KIAA1217: variants seen among roughly 807,000 people sequenced by gnomAD.
KIAA1217 encodes the protein KIAA1217.
A neutral mutation model predicts 163.9 loss-of-function variants in KIAA1217; 88 were observed. The observed-to-expected ratio is 0.54, with a 90% CI of 0.45 to 0.64. KIAA1217 has a LOEUF of 0.64. Ranked by LOEUF, KIAA1217 falls within the 30% of genes least tolerant of loss-of-function variation. The pLI is 0.00. For synonymous variants in KIAA1217, 903 were observed against 923.1 expected (o/e 0.98, Z 0.39); for missense variants, 2,372 against 2,475.0 (o/e 0.96, Z 0.88).
chr10:24,355,060 A>G (rs2048912626), intron 2 of KIAA1217, among the ~76,000 whole-genome samples: 1 of 152,182 alleles, frequency 6.6e-6, no homozygotes, highest in African/African-American at 2.4e-5. Context: ...CTGTCTCCAG[A>G]GGTTAGTAGG....
intron 2 of KIAA1217, among the ~76,000 whole-genome samples, chr10:24,085,135 C>G (rs1298894424): frequency 6.6e-6 from 1 of 152,002 alleles, no homozygotes; most frequent in Non-Finnish European, 1.5e-5. Context: ...AGGATGGTCT[C>G]GATCTCCTGA....
chr10:23,818,352 ATAT>A (rs1282830819), intron 1 of KIAA1217, among the ~76,000 whole-genome samples: 3 of 81,764 alleles, frequency 3.7e-5, no homozygotes, highest in East Asian at 2.6e-4. Flanking sequence ...ATATAAAAAA[ATAT>A]ATATATATAT....
intron 1 of KIAA1217, among the ~76,000 whole-genome samples, chr10:23,933,655 C>A (rs758513447): frequency 2.6e-5 from 4 of 151,868 alleles, no homozygotes; most frequent in Non-Finnish European, 5.9e-5. Context: ...TAACAAAGGT[C>A]TAATATCCAG....
At chr10:23,950,817 T>C (rs1460567310) in intron 1 of KIAA1217, among the ~76,000 whole-genome samples, 1 of 152,198 alleles carries the variant, frequency 6.6e-6, no homozygotes, top group African/African-American at 2.4e-5. Context: ...TAGAACATAA[T>C]CTCCATGAGG....
At chr10:24,020,100 A>G (rs1847669176) in intron 2 of KIAA1217, among the ~76,000 whole-genome samples, 1 of 152,110 alleles carries the variant, frequency 6.6e-6, no homozygotes, top group South Asian at 2.1e-4. Context: ...AAAAATAACC[A>G]CATATGGTTC....
At chr10:24,337,835 A>T (rs1284255045) in intron 2 of KIAA1217, among the ~76,000 whole-genome samples, 1 of 151,626 alleles carries the variant, frequency 6.6e-6, no homozygotes, top group Admixed American at 6.6e-5. Flanking sequence ...AGTAGAGACA[A>T]GGTTTCACTA....
chr10:23,946,012 A>G (rs540347487), intron 1 of KIAA1217, among the ~76,000 whole-genome samples: 34 of 152,306 alleles, frequency 2.2e-4, no homozygotes, highest in Admixed American at 4.6e-4. Flanking sequence ...TTCCATGTCA[A>G]TAGTATTAGG....
chr10:24,295,307 A>C (rs1279531559), intron 2 of KIAA1217, among the ~76,000 whole-genome samples: 1 of 152,330 alleles, frequency 6.6e-6, no homozygotes, highest in East Asian at 1.9e-4. Flanking sequence ...CCTTAAAGAA[A>C]TGCTGGTAAC....
intron 1 of KIAA1217, among the ~76,000 whole-genome samples, chr10:23,722,473 A>G (rs1010529690): frequency 4.6e-5 from 7 of 152,190 alleles, no homozygotes; most frequent in Non-Finnish European, 1.0e-4. Context: ...TTTAATTAGG[A>G]TAAACACTTA....
chr10:24,031,901 C>T (rs541027867), intron 2 of KIAA1217, among the ~76,000 whole-genome samples: 1 of 152,276 alleles, frequency 6.6e-6, no homozygotes, highest in East Asian at 1.9e-4. Context: ...AAGCTAAGCA[C>T]ATTCTTAGGT....
intron 1 of KIAA1217, among the ~76,000 whole-genome samples, chr10:23,950,240 A>C (rs1844266991): frequency 6.6e-6 from 1 of 152,210 alleles, no homozygotes; most frequent in Admixed American, 6.5e-5. Flanking sequence ...TAAGATTACT[A>C]GCATTTCTTT....
intron 1 of KIAA1217, among the ~76,000 whole-genome samples, chr10:24,006,525 G>A (rs1289695551): frequency 3.3e-5 from 5 of 152,144 alleles, no homozygotes; most frequent in Admixed American, 2.0e-4. Context: ...AAGTGCAGGG[G>A]GAGGTTGCAA....
chr10:24,044,986 T>G (rs1478815117), intron 2 of KIAA1217, among the ~76,000 whole-genome samples: 2 of 152,160 alleles, frequency 1.3e-5, no homozygotes, highest in African/African-American at 4.8e-5. Context: ...TTTCTTTTAT[T>G]ATTTTGTGAA....
At chr10:24,376,019 A>G (rs1476531648) in intron 2 of KIAA1217, among the ~76,000 whole-genome samples, 1 of 152,234 alleles carries the variant, frequency 6.6e-6, no homozygotes, top group Non-Finnish European at 1.5e-5. Flanking sequence ...ATCCAATAGC[A>G]TTGCAAAGAA....
At chr10:23,810,804 T>G (rs1836983401) in intron 1 of KIAA1217, among the ~76,000 whole-genome samples, 1 of 125,560 alleles carries the variant, frequency 8.0e-6, no homozygotes, top group South Asian at 2.3e-4. Flanking sequence ...AAATTATAAT[T>G]ACCAAATACT....
At chr10:24,085,422 G>A (rs2061666206) in intron 2 of KIAA1217, among the ~76,000 whole-genome samples, 1 of 152,138 alleles carries the variant, frequency 6.6e-6, no homozygotes, top group Non-Finnish European at 1.5e-5. Context: ...TTCAGGAGAT[G>A]TGAAACCCAG....
chr10:23,850,944 G>GC (rs1480958656), intron 1 of KIAA1217, among the ~76,000 whole-genome samples: 8 of 151,956 alleles, frequency 5.3e-5, no homozygotes, highest in Admixed American at 5.3e-4. Context: ...AGAACAGCAA[G>GC]GGGGAAATCC....
chr10:23,724,867 C>A (rs768666169), intron 1 of KIAA1217, among the ~76,000 whole-genome samples: 1 of 152,152 alleles, frequency 6.6e-6, no homozygotes, highest in East Asian at 1.9e-4. Context: ...CCATGTGTAA[C>A]TCTTGACTTT....
chr10:24,148,869 T>C (rs1418747381), intron 2 of KIAA1217, among the ~76,000 whole-genome samples: 1 of 152,230 alleles, frequency 6.6e-6, no homozygotes, highest in Non-Finnish European at 1.5e-5. Flanking sequence ...AATCTGAATA[T>C]ATGTTTCTGT....
Sources: allele counts gnomAD v4.1 joint callset (sites outside exome capture counted in the v4.1 genomes callset), GRCh38; gene constraint gnomAD v4.1.1; transcripts MANE v1.5; gene names NCBI Gene and HGNC (gene_info 2026-07-23, HGNC 2026-07-21).